The following ARMH3 variants were observed in gnomAD, a reference collection of about 807,000 sequenced individuals.
ARMH3 encodes armadillo-like helical domain-containing protein 3.
ARMH3 carries 60 observed loss-of-function variants against 99.1 expected under a neutral mutation model. The ratio of observed to expected loss-of-function variants is 0.61; its 90% CI spans 0.49 to 0.75. ARMH3 has a LOEUF of 0.75. Among genes scored for constraint, ARMH3 ranks in the 30% least tolerant of loss-of-function variants. ARMH3 has a pLI of 0.00. For missense variants in ARMH3, 679 were observed against 843.1 expected (o/e 0.81, Z 2.41); for synonymous variants, 285 against 292.8 (o/e 0.97, Z 0.27).
chr10:101,967,114 G>A (rs1845574942), intron 20 of ARMH3, among the ~76,000 whole-genome samples: 2 of 152,290 alleles, frequency 1.3e-5, no homozygotes, highest in Admixed American at 6.5e-5. Context: ...GACCTGGCAT[G>A]GAGCTAGGTT....
intron 19 of ARMH3, among the ~76,000 whole-genome samples, chr10:101,981,873 G>C (rs1846246581): frequency 6.6e-6 from 1 of 151,758 alleles, no homozygotes; most frequent in Admixed American, 6.6e-5. Context: ...CAAAAAATTA[G>C]CTGGGCGCGG....
chr10:101,971,409 T>C (rs1845767626), intron 20 of ARMH3, among the ~76,000 whole-genome samples: 1 of 152,024 alleles, frequency 6.6e-6, no homozygotes, highest in South Asian at 2.1e-4. Context: ...TAAAACTCCA[T>C]CTTTACAAAA....
chr10:101,868,323 G>A (rs1226137642), intron 24 of ARMH3, among the ~76,000 whole-genome samples: 1 of 152,192 alleles, frequency 6.6e-6, no homozygotes, highest in East Asian at 1.9e-4. Flanking sequence ...GACTGCTTTT[G>A]ACTTCTTTTA....
At chr10:101,955,671 C>T (rs1040727749) in intron 22 of ARMH3, among the ~76,000 whole-genome samples, 20 of 152,290 alleles carry the variant, frequency 1.3e-4, no homozygotes, top group African/African-American at 4.1e-4. Flanking sequence ...TTAATCTCAT[C>T]ACAAAGGATG....
At chr10:101,931,973 C>T (rs1843741257) in intron 23 of ARMH3, among the ~76,000 whole-genome samples, 1 of 152,032 alleles carries the variant, frequency 6.6e-6, no homozygotes, top group African/African-American at 2.4e-5. Context: ...GAAAGGCAAC[C>T]CATGGAATGG....
In ARMH3 at chr10:101,957,483, C is replaced by T. The variant is rs144960435; in HGVS notation, c.1578+167G>A. ...AGAGTCATGCAGAGTTTGCCAAAGA[C>T]ATAGGTGAGAGTGGGGACCACCAGT... On this transcript the variant is annotated intron_variant, in intron 21 of 25. Transcript: ENST00000370033. Among the ~76,000 whole-genome samples, 152 of 152,230 alleles carry T rather than the reference C, an allele frequency of 1.0e-3. 1 individual carries two copies. Among genetic ancestry groups the T allele is most frequent in the African/African-American group, 3.5e-3 (147 of 41,556 alleles).
intron 1 of ARMH3, among the ~76,000 whole-genome samples, chr10:102,055,740 A>C (rs1205379970): frequency 6.6e-6 from 1 of 152,186 alleles, no homozygotes. Flanking sequence ...CAGGAGAGGA[A>C]GCTCTCGGGG....
At chr10:101,965,067 G>A (rs1447305688) in intron 20 of ARMH3, among the ~76,000 whole-genome samples, 3 of 151,832 alleles carry the variant, frequency 2.0e-5, no homozygotes, top group Non-Finnish European at 2.9e-5. Flanking sequence ...AGTTTGGGAA[G>A]ATAAAAAAAA....
At chr10:101,920,829 TC>T (rs1251200799) in intron 23 of ARMH3, among the ~76,000 whole-genome samples, 1 of 152,078 alleles carries the variant, frequency 6.6e-6, no homozygotes, top group Non-Finnish European at 1.5e-5. Context: ...GGAAGGAAAT[TC>T]TGACATATGC....
At chr10:101,937,049 T>C (rs897639421) in intron 23 of ARMH3, among the ~76,000 whole-genome samples, 2 of 152,184 alleles carry the variant, frequency 1.3e-5, no homozygotes, top group African/African-American at 4.8e-5. Flanking sequence ...GGTCACACAA[T>C]AAGTGGTAGA....
chr10:101,926,895 C>T (rs1000557804), intron 23 of ARMH3, among the ~76,000 whole-genome samples: 4 of 152,108 alleles, frequency 2.6e-5, no homozygotes, highest in African/African-American at 4.8e-5. Context: ...GCCAGAGGCT[C>T]GGGAGAGCTG....
At chr10:101,889,634 G>A (rs1171811639) in intron 23 of ARMH3, 144 bp from the exon 24 acceptor site, 6 of 746,082 alleles carry the variant, frequency 8.0e-6, no homozygotes, top group Admixed American at 4.0e-5. Context: ...TATTGAACAT[G>A]AGGTAGTCAC....
chr10:101,866,808 A>G (rs917132772), intron 24 of ARMH3, among the ~76,000 whole-genome samples: 12 of 152,236 alleles, frequency 7.9e-5, no homozygotes, highest in African/African-American at 2.2e-4. Context: ...AGATAACAGG[A>G]GAAGCAGCCT....
chr10:101,874,090 G>C (rs1356376897), intron 24 of ARMH3, among the ~76,000 whole-genome samples: 1 of 152,010 alleles, frequency 6.6e-6, no homozygotes, highest in Non-Finnish European at 1.5e-5. Context: ...TTTTTAAAAA[G>C]ACAGATCTAC....
At chr10:101,985,953 GGT>G (rs1260598964) in intron 19 of ARMH3, among the ~76,000 whole-genome samples, 3 of 151,982 alleles carry the variant, frequency 2.0e-5, no homozygotes, top group Non-Finnish European at 4.4e-5. Flanking sequence ...GGGGGGCGGA[GGT>G]TGCAGTGAGC....
chr10:101,912,179 C>G (rs984767060), intron 23 of ARMH3, among the ~76,000 whole-genome samples: 1 of 151,716 alleles, frequency 6.6e-6, no homozygotes, highest in African/African-American at 2.4e-5. Flanking sequence ...TGGATCACAA[C>G]GTCAGGAGTT....
intron 2 of ARMH3, among the ~76,000 whole-genome samples, chr10:102,035,865 A>G (rs946833215): frequency 2.3e-4 from 32 of 138,340 alleles, no homozygotes; most frequent in South Asian, 2.4e-4. Context: ...ATGGCCGCCC[A>G]TCCTCTGGGA....
At chr10:102,027,722 A>T (rs925197148) in intron 5 of ARMH3, among the ~76,000 whole-genome samples, 3 of 152,086 alleles carry the variant, frequency 2.0e-5, no homozygotes, top group Admixed American at 2.0e-4. Flanking sequence ...CTGGGATTTT[A>T]CCATGACATA....
intron 23 of ARMH3, among the ~76,000 whole-genome samples, chr10:101,911,905 C>T (rs562918399): frequency 2.6e-5 from 4 of 151,974 alleles, no homozygotes; most frequent in Non-Finnish European, 5.9e-5. Context: ...GAGTGGTGGG[C>T]GCCTGTAGCC....
Sources: gnomAD v4.1 joint callset for allele counts (sites outside exome capture counted in the v4.1 genomes callset) on GRCh38, gnomAD v4.1.1 for gene constraint, MANE v1.5 for transcripts, NCBI Gene and HGNC (gene_info 2026-07-23, HGNC 2026-07-21) for gene names.